LAYN: variants seen among roughly 807,000 people sequenced by gnomAD.
LAYN encodes the protein layilin.
LAYN carries 38 observed loss-of-function variants against 43.6 expected under a neutral mutation model. That is an observed-to-expected ratio of 0.87 (90% CI 0.67 to 1.14). The LOEUF is 1.14. Among genes scored for constraint, LAYN ranks in the 50% most tolerant of loss-of-function variants. The pLI is 0.00. For synonymous variants in LAYN, 168 were observed against 172.9 expected, an observed-to-expected ratio of 0.97 and a Z score of 0.22; for missense variants, 479 against 463.8, an observed-to-expected ratio of 1.03 and a Z score of -0.30.
chr11:111,560,251 A>G lies in LAYN; in HGVS notation c.918A>G (p.Ser306=), dbSNP rs1565277251. 6.2e-7 allele frequency: 1 copy of G among 1,613,806 alleles called. No homozygotes were observed. Among genetic ancestry groups the G allele is most frequent in the Non-Finnish European group, 8.5e-7 (1 of 1,179,794 alleles). Reference sequence around the variant, plus strand: ...CCCGGCCAGACCTGAAGAATATTTCATTCCGAGTGTGTTCGGGAGAAGCCA... The same window carrying G: ...CCCGGCCAGACCTGAAGAATATTTCGTTCCGAGTGTGTTCGGGAGAAGCCA... The part of the protein sequence containing the change: ...AETRPDLKNI[S]FRVCSGEATP... Residue 306 remains serine (S), a synonymous_variant, in exon 7 of 7, where the codon TCA becomes TCG. Transcript: ENST00000375614.
At chr11:111,552,433 G>A (rs535462951) in intron 3 of LAYN, among the ~76,000 whole-genome samples, 45 of 152,316 alleles carry the variant, frequency 3.0e-4, no homozygotes, top group African/African-American at 9.6e-4. Flanking sequence ...GCAGGAGGGC[G>A]CATCATCCCA....
At chr11:111,554,850 AAAGGAATAATTT>A (rs1223670002) in intron 4 of LAYN, among the ~76,000 whole-genome samples, 1 of 152,218 alleles carries the variant, frequency 6.6e-6, no homozygotes, top group Non-Finnish European at 1.5e-5. Context: ...TGACAATATC[AAAGGAATAATTT>A]AATCTAATGA....
At chr11:111,547,634 C>T (rs1281131554) in intron 2 of LAYN, among the ~76,000 whole-genome samples, 1 of 152,174 alleles carries the variant, frequency 6.6e-6, no homozygotes, top group African/African-American at 2.4e-5. Context: ...ACATATGGCA[C>T]AGGCAGCCAC....
intron 3 of LAYN, among the ~76,000 whole-genome samples, chr11:111,552,263 G>T (rs1336523434): frequency 6.6e-6 from 1 of 152,122 alleles, no homozygotes; most frequent in African/African-American, 2.4e-5. Context: ...TCAAAGCTAG[G>T]TTTGGTGTCT....
Position 111,543,981 on chromosome 11 carries a change from T to C in LAYN, c.144T>C (p.His48=), listed in dbSNP as rs1867596129. The change falls in exon 2 of 7, where the codon CAT becomes CAC. Residue 48 remains histidine, a synonymous_variant. Transcript: ENST00000375614. ...CTTGTTATAAAGTCATTTACTTCCA[T>C]GATACTTCTCGAAGACTGAACTTTG... is the stretch of plus-strand genomic sequence containing the variant. ...QRPCYKVIYF[H]DTSRRLNFEE... The C allele has an allele frequency of 1.2e-6, 2 of 1,614,200 alleles. No individual in the cohort carries two copies. Among genetic ancestry groups the C allele is most frequent in the Non-Finnish European group, 1.7e-6 (2 of 1,180,044 alleles).
intron 1 of LAYN, among the ~76,000 whole-genome samples, chr11:111,542,112 C>A (rs1392472444): frequency 2.6e-5 from 4 of 152,228 alleles, no homozygotes; most frequent in Non-Finnish European, 5.9e-5. Flanking sequence ...TTATGTTATG[C>A]CGGTGGCCAG....
In LAYN at chr11:111,557,615, G is replaced by A; in HGVS notation, c.733G>A (p.Val245Ile). 6.2e-7 allele frequency: 1 copy of A among 1,614,020 alleles called. No homozygotes were observed. Among genetic ancestry groups the A allele is most frequent in the Middle Eastern group, 1.6e-4 (1 of 6,062 alleles). The change falls in exon 6 of 7, where the codon GTA becomes ATA. Residue 245 changes from valine (V) to isoleucine (I), a missense_variant. Coordinates refer to ENST00000375614, the MANE Select transcript of LAYN (RefSeq NM_178834.5). ...CCTCCTCCTTGTGGTCACCACAGTT[G>A]TATGTTGGGTTTGGATCTGTAGAAA... is the stretch of plus-strand genomic sequence containing the variant. Reference protein sequence around the residue: ...LLLLLVVTTVVCWVWICRKRK... With the variant: ...LLLLLVVTTVICWVWICRKRK...
At chr11:111,554,982 A>G (rs1429240488) in intron 4 of LAYN, among the ~76,000 whole-genome samples, 1 of 152,176 alleles carries the variant, frequency 6.6e-6, no homozygotes, top group East Asian at 1.9e-4. Flanking sequence ...CTGCTTCTTG[A>G]TTGTTTTAGT....
intron 1 of LAYN, among the ~76,000 whole-genome samples, chr11:111,542,144 T>A (rs1466868062): frequency 2.6e-5 from 4 of 152,252 alleles, no homozygotes; most frequent in Non-Finnish European, 5.9e-5. Context: ...TCCTGGGGGC[T>A]CATTTGCCCC....
chr11:111,547,473 T>C (rs1867667858), intron 2 of LAYN, among the ~76,000 whole-genome samples: 1 of 152,236 alleles, frequency 6.6e-6, no homozygotes, highest in South Asian at 2.1e-4. Context: ...AAAATTAATA[T>C]AGCCTTGAGT....
At chr11:111,543,866 C>T in intron 1 of LAYN, 57 bp from the exon 2 acceptor site, 2 of 1,519,420 alleles carry the variant, frequency 1.3e-6, no homozygotes, top group Non-Finnish European at 1.8e-6. Context: ...CTCCACGTAT[C>T]CCTGCCCCGG....
chr11:111,546,992 A>G (rs1392438576), intron 2 of LAYN, among the ~76,000 whole-genome samples: 1 of 152,170 alleles, frequency 6.6e-6, no homozygotes, highest in Non-Finnish European at 1.5e-5. Flanking sequence ...CCCAAGTGGC[A>G]AATCTGCTTG....
chr11:111,541,708 C>A, intron 1 of LAYN: 1 of 823,244 alleles, frequency 1.2e-6, no homozygotes, highest in Non-Finnish European at 2.0e-6. Flanking sequence ...ACAGAGGAGA[C>A]TGGGAACCTC....
intron 2 of LAYN, among the ~76,000 whole-genome samples, chr11:111,545,036 A>AC (rs916954675): frequency 2.1e-5 from 3 of 145,254 alleles, no homozygotes; most frequent in South Asian, 4.3e-4. Flanking sequence ...CCTACTATGT[A>AC]CCCCCCCAAA....
intron 6 of LAYN, among the ~76,000 whole-genome samples, chr11:111,559,514 G>C (rs922988729): frequency 2.8e-4 from 42 of 151,798 alleles, no homozygotes; most frequent in African/African-American, 1.0e-3. Context: ...GCCCAAGCTG[G>C]AGTGCAGCGG....
At chr11:111,554,677 C>A (rs892122397) in intron 4 of LAYN, 84 bp downstream of exon 4, 15 of 1,201,790 alleles carry the variant, frequency 1.2e-5, no homozygotes, top group Non-Finnish European at 1.8e-5. Context: ...GTCCTTTGGA[C>A]TGGATTATTC....
chr11:111,554,852 A>C (rs1357106829), intron 4 of LAYN, among the ~76,000 whole-genome samples: 1 of 152,232 alleles, frequency 6.6e-6, no homozygotes, highest in East Asian at 1.9e-4. Flanking sequence ...ACAATATCAA[A>C]GGAATAATTT....
chr11:111,544,964 A>T (rs1867623320), intron 2 of LAYN, among the ~76,000 whole-genome samples: 1 of 152,014 alleles, frequency 6.6e-6, no homozygotes, highest in South Asian at 2.1e-4. Flanking sequence ...AAACAATCAT[A>T]TGGGGAAAGG....
chr11:111,553,733 C>A (rs952716422), intron 3 of LAYN, among the ~76,000 whole-genome samples: 12 of 151,216 alleles, frequency 7.9e-5, no homozygotes, highest in African/African-American at 2.9e-4. Context: ...CACACACACA[C>A]ACACACACAC....
Sources: gnomAD v4.1 joint callset for allele counts (sites outside exome capture counted in the v4.1 genomes callset) on GRCh38, gnomAD v4.1.1 for gene constraint, MANE v1.5 for transcripts, NCBI Gene and HGNC (gene_info 2026-07-23, HGNC 2026-07-21) for gene names.